Variants in DLEU7 observed in about 807,000 individuals in gnomAD.
DLEU7 encodes the protein deleted in lymphocytic leukemia 7.
Under a neutral mutation model 16.0 loss-of-function variants are expected in DLEU7, and 17 were observed. That is an observed-to-expected ratio of 1.06 (90% CI 0.73 to 1.59). DLEU7 has a LOEUF of 1.59. Ranked by LOEUF, DLEU7 falls within the 40% of genes most tolerant of loss-of-function variation. The pLI is 0.00. For missense variants in DLEU7, 308 were observed against 314.9 expected (o/e 0.98, Z 0.17); for synonymous variants, 113 against 139.8 (o/e 0.81, Z 1.35).
In DLEU7 at chr13:50,739,327, C is replaced by G. The variant is rs79914057; in HGVS notation, c.460-26087G>C. On this transcript the variant is annotated intron_variant, in intron 1 of 1. Transcript: ENST00000400393. ...TTAGAAGATCTGCATCATCTGGAAC[C>G]AAATTTGACTTGTTTCCAACAGTAA... 2.0e-3 allele frequency among the ~76,000 whole-genome samples: 309 copies of G among 152,192 alleles called. 1 individual carries two copies. The highest frequency in any genetic ancestry group is 6.9e-3 in the African/African-American group (285 of 41,542).
At chr13:50,843,796 C>T (rs1456928282), upstream of DLEU7, 1 of 1,122,806 alleles carries the variant, frequency 8.9e-7, no homozygotes, top group Non-Finnish European at 1.2e-6. This position sits in a 1 kb window ranked among gnomAD's most constrained non-coding sequence, Gnocchi z 5.7. Flanking sequence ...CCGCCCCCGG[C>T]TCTGAATCGG....
chr13:50,840,411 G>C (rs527896073), intron 1 of DLEU7, among the ~76,000 whole-genome samples: 10 of 152,262 alleles, frequency 6.6e-5, no homozygotes, highest in Non-Finnish European at 1.3e-4. Flanking sequence ...TCTGCAAACA[G>C]CAAACCAAGC....
chr13:50,742,992 G>A (rs919794626), intron 1 of DLEU7, among the ~76,000 whole-genome samples: 1 of 152,178 alleles, frequency 6.6e-6, no homozygotes, highest in African/African-American at 2.4e-5. Context: ...CCAGAGGAGA[G>A]TCACTCTTCC....
intron 1 of DLEU7, among the ~76,000 whole-genome samples, chr13:50,727,738 T>C (rs985016451): frequency 3.3e-5 from 5 of 152,208 alleles, no homozygotes; most frequent in Non-Finnish European, 7.3e-5. Context: ...GTTATCCTCC[T>C]GGCTTTTCTC....
intron 1 of DLEU7, among the ~76,000 whole-genome samples, chr13:50,735,615 A>G (rs1874045966): frequency 6.6e-6 from 1 of 152,110 alleles, no homozygotes; most frequent in Non-Finnish European, 1.5e-5. Context: ...CTATGCATCT[A>G]ACAAAATCTA....
intron 1 of DLEU7, among the ~76,000 whole-genome samples, chr13:50,745,476 G>T (rs998369824): frequency 1.1e-4 from 16 of 152,104 alleles, no homozygotes; most frequent in African/African-American, 3.6e-4. Flanking sequence ...AAAAGTTCTG[G>T]AGATAGATAG....
chr13:50,752,752 T>C (rs961349485), intron 1 of DLEU7, among the ~76,000 whole-genome samples: 17 of 152,046 alleles, frequency 1.1e-4, no homozygotes, highest in African/African-American at 3.9e-4. Flanking sequence ...GTGAGTGTTA[T>C]AGCTCATAAA....
intron 1 of DLEU7, chr13:50,807,753 G>A (rs1175515505): frequency 3.3e-5 from 5 of 152,066 alleles, no homozygotes; most frequent in Admixed American, 2.6e-4. Flanking sequence ...TCCCCTTTGT[G>A]GGGAGTGTCA....
intron 1 of DLEU7, among the ~76,000 whole-genome samples, chr13:50,778,453 T>C (rs779166011): frequency 3.3e-5 from 5 of 152,150 alleles, no homozygotes; most frequent in African/African-American, 4.8e-5. Context: ...GCTTCCTCCT[T>C]CTTCTTTCCA....
intron 1 of DLEU7, among the ~76,000 whole-genome samples, chr13:50,795,303 T>C (rs1274552560): frequency 6.6e-6 from 1 of 152,184 alleles, no homozygotes; most frequent in East Asian, 1.9e-4. Flanking sequence ...TCAGGGATTA[T>C]AGCAAAAGGA....
chr13:50,786,261 C>T (rs1274405981), intron 1 of DLEU7, among the ~76,000 whole-genome samples: 1 of 152,156 alleles, frequency 6.6e-6, no homozygotes, highest in African/African-American at 2.4e-5. Flanking sequence ...CTTGGTTCAC[C>T]ATATGCCATA....
At chr13:50,783,663 A>G (rs1249541304) in intron 1 of DLEU7, among the ~76,000 whole-genome samples, 1 of 152,204 alleles carries the variant, frequency 6.6e-6, no homozygotes, top group African/African-American at 2.4e-5. Context: ...TTGATGGCCA[A>G]TAGCGTCTCT....
chr13:50,782,176 C>T (rs376414735), intron 1 of DLEU7, among the ~76,000 whole-genome samples: 2 of 152,182 alleles, frequency 1.3e-5, no homozygotes, highest in East Asian at 3.9e-4. Flanking sequence ...AACCACCTCC[C>T]TCACAAAGGG....
intron 1 of DLEU7, among the ~76,000 whole-genome samples, chr13:50,767,393 T>C (rs1875150224): frequency 6.8e-6 from 1 of 147,268 alleles, no homozygotes; most frequent in Non-Finnish European, 1.5e-5. Flanking sequence ...GAGGCGGAGC[T>C]TGCAGTGAGC....
intron 1 of DLEU7, among the ~76,000 whole-genome samples, chr13:50,765,717 G>A (rs944406035): frequency 6.6e-6 from 1 of 152,030 alleles, no homozygotes; most frequent in Non-Finnish European, 1.5e-5. Context: ...GTTAAGCTTA[G>A]TTCAGCAAAA....
intron 1 of DLEU7, among the ~76,000 whole-genome samples, chr13:50,817,571 G>A (rs1220330681): frequency 6.6e-6 from 1 of 152,104 alleles, no homozygotes; most frequent in Non-Finnish European, 1.5e-5. Context: ...GGATCTACAA[G>A]ATTTGTACTC....
chr13:50,747,371 T>TGA (rs1555289384), intron 1 of DLEU7, among the ~76,000 whole-genome samples: 1,410 of 66,076 alleles, frequency 0.021, 34 homozygotes, highest in African/African-American at 0.12. Flanking sequence ...TGTGTGTGTG[T>TGA]GACAGAGAGG....
chr13:50,788,923 G>A lies in DLEU7; in HGVS notation c.459+54265C>T, dbSNP rs775101516. On this transcript the variant is annotated intron_variant, in intron 1 of 1. Transcript: ENST00000400393. ...TTATTTTCAGCTGTAAACCCAGAGCGGGAGCCTGGGTTATATCGAGGAAAG... is the reference window on the plus strand; with the variant it reads ...TTATTTTCAGCTGTAAACCCAGAGCAGGAGCCTGGGTTATATCGAGGAAAG... Among the ~76,000 whole-genome samples the A allele has an allele frequency of 3.3e-5, 5 of 152,072 alleles. No individual in the cohort carries two copies. In the South Asian group the frequency reaches 8.3e-4, roughly 25 times the overall value.
chr13:50,711,849 G>A (rs1593522800), downstream of DLEU7: 1 of 148,938 alleles, frequency 6.7e-6, no homozygotes, highest in Non-Finnish European at 1.5e-5. Context: ...CAGAGCCTGG[G>A]ACTCAGGGCA....
Sources: allele counts gnomAD v4.1 joint callset (sites outside exome capture counted in the v4.1 genomes callset), GRCh38; gene constraint gnomAD v4.1.1; non-coding constraint Gnocchi (gnomAD v3.1); transcripts MANE v1.5; gene names NCBI Gene and HGNC (gene_info 2026-07-23, HGNC 2026-07-21).